OR11A1: variants seen among roughly 807,000 people sequenced by gnomAD.
OR11A1 encodes the protein olfactory receptor 11A1.
For synonymous variants in OR11A1, 158 were observed against 152.2 expected (o/e 1.04, Z -0.28); for missense variants, 380 against 378.2 (o/e 1.00, Z -0.04).
chr6:29,445,512 T>C (rs981301040), intron 1 of OR11A1, among the ~76,000 whole-genome samples: 9 of 152,142 alleles, frequency 5.9e-5, no homozygotes, highest in African/African-American at 2.2e-4. Flanking sequence ...TCTCTGTGCA[T>C]CCCAGGCCAA....
intron 1 of OR11A1, among the ~76,000 whole-genome samples, chr6:29,448,587 AC>A (rs1196747161): frequency 6.6e-5 from 10 of 152,232 alleles, no homozygotes; most frequent in Admixed American, 5.9e-4. Flanking sequence ...TTAAGTAGGC[AC>A]CAAACTGTCG....
chr6:29,440,748 A>C, intron 1 of OR11A1: 1 of 1,613,886 alleles, frequency 6.2e-7, no homozygotes, highest in Non-Finnish European at 8.5e-7. Context: ...CTCCCACCTG[A>C]TCATGGTCTC....
Position 29,427,076 on chromosome 6 carries a change from G to C in OR11A1, c.566C>G (p.Ala189Gly), listed in dbSNP as rs939248451. 1.9e-6 allele frequency: 3 copies of C among 1,612,404 alleles called. No homozygotes were observed. The highest frequency in any genetic ancestry group is 2.5e-6 in the Non-Finnish European group (3 of 1,180,010). Residue 189 changes from alanine (A) to glycine (G), a missense_variant, in exon 5 of 5, where the codon GCT (alanine) becomes GGT (glycine). Coordinates refer to ENST00000377149, the MANE Select transcript of OR11A1 (RefSeq NM_001394828.1). The part of the protein sequence containing the change: ...YCDFMLFVGL[A>G]CSDPRVAQVT... ...CTGAGCCACTCTGGGATCCGAGCAA[G>C]CCAGGCCCACGAAAAGCATAAAGTC...
chr6:29,453,549 T>C lies in OR11A1; in HGVS notation c.-389+3438A>G, dbSNP rs1009550627. On this transcript the variant is annotated intron_variant, in intron 1 of 4. Coordinates refer to ENST00000377149, the MANE Select transcript of OR11A1 (RefSeq NM_001394828.1). This position sits in a 1 kb window ranked among gnomAD's most constrained non-coding sequence, Gnocchi z 4.5. ...GGGTTGAGATGATTTGGAACAAAGA[T>C]AAAAACTCATGCCTAGGGTTTATGT... Among the ~76,000 whole-genome samples, 2 of 152,120 alleles carry C rather than the reference T, an allele frequency of 1.3e-5. No individual in the cohort carries two copies. Among genetic ancestry groups the C allele is most frequent in the Non-Finnish European group, 2.9e-5 (2 of 67,990 alleles).
At chr6:29,449,844 C>T (rs1413723198) in intron 1 of OR11A1, among the ~76,000 whole-genome samples, 1 of 152,106 alleles carries the variant, frequency 6.6e-6, no homozygotes, top group Non-Finnish European at 1.5e-5. Context: ...TCCATGTTGG[C>T]CAGGCTGGTC....
intron 1 of OR11A1, among the ~76,000 whole-genome samples, chr6:29,437,290 A>G (rs1783708998): frequency 6.6e-6 from 1 of 152,090 alleles, no homozygotes; most frequent in South Asian, 2.1e-4. Context: ...AACCAACACA[A>G]ATGTCCAACA....
At chr6:29,436,269 T>C (rs1238405046) in intron 1 of OR11A1, among the ~76,000 whole-genome samples, 1 of 152,230 alleles carries the variant, frequency 6.6e-6, no homozygotes. Flanking sequence ...TTTCCTGATT[T>C]GCTGAATGCC....
In OR11A1 at chr6:29,431,956, T is replaced by C; in HGVS notation, c.-357A>G. On this transcript the variant is annotated 5_prime_UTR_variant, in exon 2 of 5. Transcript: ENST00000377149. ...AAGACTTCAGAATGTTGGAATTTCC[T>C]ACCTTCAGCTCCCTCCCTGCTTGAG... 3 of 985,370 alleles carry C rather than the reference T, an allele frequency of 3.0e-6. No homozygotes were observed. The highest frequency in any genetic ancestry group is 3.6e-6 in the Non-Finnish European group (3 of 829,878). The allele number at this position is 985,370 out of a possible 1,614,324, so 61.0% of individuals were successfully genotyped here.
Position 29,427,326 on chromosome 6 carries a change from C to T in OR11A1, c.316G>A (p.Gly106Ser), listed in dbSNP as rs376507487. ...AGCLLQFFIF[G>S]SLATAECLLL... is the part of the protein sequence containing the mutation. Reference sequence around the variant, plus strand: ...AAGCATTCAGCTGTGGCTAGAGAGCCGAAGATAAAGAACTGGAGCAAGCAA... The same window carrying T: ...AAGCATTCAGCTGTGGCTAGAGAGCTGAAGATAAAGAACTGGAGCAAGCAA... Residue 106 changes from glycine to serine, a missense_variant, in exon 5 of 5, where the codon GGC (glycine) becomes AGC (serine). By Grantham distance (56) the Gly-to-Ser change is moderately conservative (BLOSUM62 0). Transcript: ENST00000377149. The T allele has an allele frequency of 1.5e-5, 24 of 1,612,846 alleles. No individual in the cohort carries two copies. The South Asian group carries it at 1.5e-4, about 10-fold the overall frequency.
rs1049434016 is a variant in OR11A1 at position 29,426,470 on chromosome 6, C to A, written c.*224G>T. 1.9e-6 allele frequency: 1 copy of A among 538,884 alleles called. No individual in the cohort carries two copies. The highest frequency in any genetic ancestry group is 1.9e-5 in the African/African-American group (1 of 53,212). 33.4% of individuals were successfully genotyped at this position (538,884 alleles called of 1,614,324 possible). On this transcript the variant is annotated 3_prime_UTR_variant, in exon 5 of 5. Transcript: ENST00000377149. ...GTGATGAAATAATCTGTACAGTAAA[C>A]CCCCATGACACAAGTTTACCTATGT...
chr6:29,454,442 T>C (rs573184704), intron 1 of OR11A1, among the ~76,000 whole-genome samples: 34 of 152,216 alleles, frequency 2.2e-4, no homozygotes, highest in African/African-American at 7.9e-4. Context: ...TCTACTAGAA[T>C]GACTATAATA....
At chr6:29,442,570 T>G (rs1784300528) in intron 1 of OR11A1, among the ~76,000 whole-genome samples, 1 of 152,212 alleles carries the variant, frequency 6.6e-6, no homozygotes, top group Non-Finnish European at 1.5e-5. Context: ...GCACTTGCTG[T>G]CCTGTTAAGA....
intron 1 of OR11A1, chr6:29,440,624 C>A (rs761736223): frequency 1.2e-6 from 2 of 1,614,016 alleles, no homozygotes; most frequent in Non-Finnish European, 1.7e-6. Context: ...TGGCAACAGC[C>A]CTCCTCATCC....
chr6:29,429,916 G>A (rs1330607506), intron 3 of OR11A1, among the ~76,000 whole-genome samples: 1 of 152,066 alleles, frequency 6.6e-6, no homozygotes, highest in Non-Finnish European at 1.5e-5. Context: ...ACAGTGGCAT[G>A]TTTCAACCTA....
rs116963310 is a variant in OR11A1, at chr6:29,431,672, G to T, written c.-265+192C>A. 1.4e-3 allele frequency among the ~76,000 whole-genome samples: 210 copies of T among 152,286 alleles called. No individual in the cohort carries two copies. In the East Asian group the frequency reaches 0.021, roughly 15 times the overall value. ...TTTTAAAAACATCCAATGGAGAAAA[G>T]AGCAGCACTGGTATTCTAGAGAAAT... is the stretch of plus-strand genomic sequence containing the variant. On this transcript the variant is annotated intron_variant, in intron 2 of 4. Transcript: ENST00000377149.
chr6:29,433,471 G>A (rs1783386167), intron 1 of OR11A1, among the ~76,000 whole-genome samples: 1 of 152,026 alleles, frequency 6.6e-6, no homozygotes, highest in Admixed American at 6.6e-5. Flanking sequence ...TTAATATAAG[G>A]TCCTCCAGAT....
chr6:29,430,907 T>G (rs370138915), intron 2 of OR11A1, among the ~76,000 whole-genome samples: 35 of 152,106 alleles, frequency 2.3e-4, no homozygotes, highest in African/African-American at 7.7e-4. Flanking sequence ...AATCAGGGAA[T>G]AGAGGAAGTT....
chr6:29,430,780 C>T (rs2151365437), intron 2 of OR11A1, among the ~76,000 whole-genome samples: 1 of 152,078 alleles, frequency 6.6e-6, no homozygotes, highest in Non-Finnish European at 1.5e-5. Context: ...ATTCATGTAA[C>T]AAAACTGCAC....
At chr6:29,430,487 T>A in intron 2 of OR11A1, 62 bp from the exon 3 acceptor site, 1 of 951,364 alleles carries the variant, frequency 1.1e-6, no homozygotes, top group Non-Finnish European at 1.3e-6. Context: ...AAATAGCTCA[T>A]GACCACTACC....
Sources: allele counts gnomAD v4.1 joint callset (sites outside exome capture counted in the v4.1 genomes callset), GRCh38; gene constraint gnomAD v4.1.1; non-coding constraint Gnocchi (gnomAD v3.1); transcripts MANE v1.5; gene names NCBI Gene and HGNC (gene_info 2026-07-23, HGNC 2026-07-21).